EYS: variants seen among roughly 807,000 people sequenced by gnomAD.
The protein encoded by EYS is EGF-like photoreceptor maintenance factor, also known as protein eyes shut homolog.
In EYS, 250 loss-of-function variants were observed where a neutral mutation model predicts 282.1. The ratio of observed to expected loss-of-function variants is 0.89; its 90% CI spans 0.80 to 0.98. EYS has a LOEUF of 0.98. Among genes scored for constraint, EYS ranks in the 50% least tolerant of loss-of-function variants. EYS has a pLI of 0.00. For synonymous variants in EYS, 1,355 were observed against 1,282.9 expected (o/e 1.06, Z -1.20); for missense variants, 4,016 against 3,709.0 (o/e 1.08, Z -2.15).
chr6:63,880,527 C>CTATCTATCTATA (rs749743894), intron 35 of EYS, among the ~76,000 whole-genome samples: 1 of 151,660 alleles, frequency 6.6e-6, no homozygotes, highest in Non-Finnish European at 1.5e-5. Flanking sequence ...ATCTATCTAT[C>CTATCTATCTATA]TATTCTGTCC....
At chr6:65,705,202 C>G (rs190967473) in intron 1 of EYS, among the ~76,000 whole-genome samples, 98 of 152,280 alleles carry the variant, frequency 6.4e-4, no homozygotes, top group Non-Finnish European at 1.2e-3. Context: ...TAGCTCCTGA[C>G]AACTTAGGGC....
Position 65,514,283 on chromosome 6 carries a change from TAA to T in EYS, c.-332-18292_-332-18291del, listed in dbSNP as rs576367176. Among the ~76,000 whole-genome samples, 330 of 151,972 alleles carry T rather than the reference TAA, an allele frequency of 2.2e-3. 2 individuals carry two copies. The highest frequency in any genetic ancestry group is 7.7e-3 in the African/African-American group (321 of 41,462). On this transcript the variant is annotated intron_variant, in intron 2 of 42. Transcript: ENST00000503581. Reference sequence around the variant, plus strand: ...AACTACAAACCACTGCTCAATGAAATAAAAGAGGATACAAACAAATGGAAGAA... The same window carrying T: ...AACTACAAACCACTGCTCAATGAAATAAGAGGATACAAACAAATGGAAGAA...
At chr6:64,644,113 A>C (rs1027746861) in intron 22 of EYS, among the ~76,000 whole-genome samples, 3 of 152,204 alleles carry the variant, frequency 2.0e-5, no homozygotes, top group African/African-American at 7.2e-5. Flanking sequence ...GATACAGTGA[A>C]GGTTACCAGC....
chr6:65,071,277 A>T (rs1217531495), intron 12 of EYS, among the ~76,000 whole-genome samples: 1 of 151,934 alleles, frequency 6.6e-6, no homozygotes. Flanking sequence ...AGAGCAAGAA[A>T]GTTGTTAGTA....
chr6:63,802,362 C>G (rs1417439302), intron 37 of EYS, among the ~76,000 whole-genome samples: 1 of 151,860 alleles, frequency 6.6e-6, no homozygotes, highest in Non-Finnish European at 1.5e-5. Flanking sequence ...GGCTTAAAAC[C>G]TAGATGACAG....
intron 21 of EYS, among the ~76,000 whole-genome samples, chr6:64,818,999 G>A (rs920532073): frequency 1.3e-5 from 2 of 152,250 alleles, no homozygotes; most frequent in African/African-American, 4.8e-5. Context: ...CTCCTAAGGA[G>A]GTTCACATGT....
intron 2 of EYS, among the ~76,000 whole-genome samples, chr6:65,575,157 C>T (rs746716457): frequency 4.1e-4 from 62 of 151,848 alleles, no homozygotes; most frequent in Non-Finnish European, 7.1e-4. Flanking sequence ...CTCATCTCTG[C>T]TAAAAATACA....
At chr6:64,849,912 C>A (rs948758547) in intron 19 of EYS, among the ~76,000 whole-genome samples, 8 of 151,672 alleles carry the variant, frequency 5.3e-5, no homozygotes, top group South Asian at 2.1e-4. Context: ...ATAGGAGCCC[C>A]TTTTTTATAT....
intron 26 of EYS, among the ~76,000 whole-genome samples, chr6:64,536,695 A>G (rs949445270): frequency 1.3e-5 from 2 of 152,066 alleles, no homozygotes; most frequent in Non-Finnish European, 2.9e-5. Flanking sequence ...ATCTCTACAA[A>G]TAGAAAAGAA....
intron 36 of EYS, among the ~76,000 whole-genome samples, chr6:63,844,811 C>T (rs1397532689): frequency 6.6e-6 from 1 of 152,014 alleles, no homozygotes; most frequent in Non-Finnish European, 1.5e-5. Context: ...CTGTAGGTTG[C>T]CTGTTCACTC....
In EYS at chr6:65,624,973, C is replaced by T. The variant is rs1211780216; in HGVS notation, c.-333+14805G>A. Among the ~76,000 whole-genome samples, 3 of 152,106 alleles carry T rather than the reference C, an allele frequency of 2.0e-5. No individual in the cohort carries two copies. The East Asian group carries it at 5.8e-4, about 29-fold the overall frequency. The stretch of plus-strand genomic sequence containing the variant: ...CTTAATAAACTCCCCTTTATATACA[C>T]ATCTATCCTATTAATGTTGTTCCTC... On this transcript the variant is annotated intron_variant, in intron 2 of 42. Transcript: ENST00000503581.
chr6:63,805,168 C>A (rs1308120189), intron 37 of EYS, among the ~76,000 whole-genome samples: 1 of 152,178 alleles, frequency 6.6e-6, no homozygotes, highest in Admixed American at 6.5e-5. Flanking sequence ...ATATGTTGAT[C>A]TCACAGATGA....
At chr6:65,223,299 G>T (rs543706289) in intron 12 of EYS, among the ~76,000 whole-genome samples, 1 of 152,022 alleles carries the variant, frequency 6.6e-6, no homozygotes, top group Non-Finnish European at 1.5e-5. Context: ...CCCAGGTGGC[G>T]GAGTTTGCAG....
intron 26 of EYS, among the ~76,000 whole-genome samples, chr6:64,535,050 T>G (rs1764477623): frequency 6.6e-6 from 1 of 152,214 alleles, no homozygotes; most frequent in Non-Finnish European, 1.5e-5. Context: ...TAGTTTGAGA[T>G]GCAGCTCATT....
intron 29 of EYS, among the ~76,000 whole-genome samples, chr6:64,387,934 T>C (rs1360861311): frequency 6.6e-6 from 1 of 152,166 alleles, no homozygotes; most frequent in Non-Finnish European, 1.5e-5. Flanking sequence ...TGTATACCAA[T>C]TTGCATTATT....
intron 16 of EYS, among the ~76,000 whole-genome samples, chr6:64,907,436 C>A (rs138243269): frequency 2.2e-3 from 329 of 152,216 alleles, no homozygotes; most frequent in Non-Finnish European, 3.6e-3. Context: ...TAACTCTTTG[C>A]CTTCACTATA....
chr6:64,897,613 T>C (rs1021371199), intron 18 of EYS, among the ~76,000 whole-genome samples: 1 of 152,140 alleles, frequency 6.6e-6, no homozygotes, highest in Non-Finnish European at 1.5e-5. Flanking sequence ...GTTTGACGAA[T>C]TGACAAAAGT....
At chr6:64,770,348 C>T (rs1171199733) in intron 22 of EYS, among the ~76,000 whole-genome samples, 1 of 151,448 alleles carries the variant, frequency 6.6e-6, no homozygotes, top group African/African-American at 2.4e-5. Context: ...GTTTTTTGTC[C>T]GCTGATAAAA....
At chr6:63,770,955 C>G (rs1271450186) in intron 40 of EYS, among the ~76,000 whole-genome samples, 1 of 152,098 alleles carries the variant, frequency 6.6e-6, no homozygotes, top group Non-Finnish European at 1.5e-5. Flanking sequence ...AGATACTCAC[C>G]TAGGTCCTTG....
Sources: allele counts gnomAD v4.1 joint callset (sites outside exome capture counted in the v4.1 genomes callset), GRCh38; gene constraint gnomAD v4.1.1; transcripts MANE v1.5; gene names NCBI Gene and HGNC (gene_info 2026-07-23, HGNC 2026-07-21).